Variants in NUP153 observed in about 807,000 individuals in gnomAD.
NUP153 encodes nucleoporin 153.
NUP153 carries 27 observed loss-of-function variants against 134.6 expected under a neutral mutation model. That is an observed-to-expected ratio of 0.20 (90% confidence interval 0.15 to 0.28). NUP153 has a LOEUF of 0.28. NUP153 is among the 10% of genes least tolerant of loss of function. The pLI, the probability that NUP153 is intolerant of heterozygous loss-of-function variation, is 1.00. For missense variants in NUP153, 1,821 were observed against 1,731.3 expected (o/e 1.05, Z -0.92); for synonymous variants, 640 against 623.5 (o/e 1.03, Z -0.40).
At chr6:17,701,842 G>A (rs760223730) in intron 1 of NUP153, among the ~76,000 whole-genome samples, 6,985 of 103,022 alleles carry the variant, frequency 0.068, 1,543 homozygotes, top group East Asian at 0.44. Flanking sequence ...CGGGGGGGGG[G>A]GGAAAAAAGC....
intron 2 of NUP153, among the ~76,000 whole-genome samples, chr6:17,686,891 CGGCGGGGGAGGGG>C: frequency 4.3e-4 from 1 of 2,314 alleles, no homozygotes; most frequent in East Asian, 8.9e-3. Flanking sequence ...CGGGGGCGGG[CGGCGGGGGAGGGG>C]GGCGGGGAGT....
At position 17,680,015 on chromosome 6, in the gene NUP153, A is replaced by T. The variant is rs1018040879; in HGVS notation, c.335-4245T>A. Among the ~76,000 whole-genome samples, 2 of 152,168 alleles carry T rather than the reference A, an allele frequency of 1.3e-5. No individual in the cohort carries two copies. Among genetic ancestry groups the T allele is most frequent in the Non-Finnish European group, 2.9e-5 (2 of 68,038 alleles). On this transcript the variant is annotated intron_variant, in intron 2 of 21. Transcript: ENST00000262077. This position sits in a 1 kb window ranked among gnomAD's most constrained non-coding sequence, Gnocchi z 4.5. ...ACCCTACCCTGCAGGTGCTTTGCCC[A>T]GCCCAGCCTGCATACCTTACCCCAT...
chr6:17,640,625 T>A (rs894723637), intron 14 of NUP153, among the ~76,000 whole-genome samples: 1 of 152,178 alleles, frequency 6.6e-6, no homozygotes, highest in African/African-American at 2.4e-5. Context: ...AATCATTCTT[T>A]TTCAAAACAG....
rs772306509 is a variant in NUP153 at position 17,637,593 on chromosome 6, T to A, written c.2024A>T (p.Asp675Val). 1.9e-6 allele frequency: 3 copies of A among 1,614,154 alleles called. No individual in the cohort carries two copies. The highest frequency in any genetic ancestry group is 2.5e-6 in the Non-Finnish European group (3 of 1,180,040). The change falls in exon 16 of 22, where the codon GAC becomes GTC. Residue 675 changes from aspartate to valine, a missense_variant. Physicochemically the swap from Asp to Val is radical, Grantham distance 152. Transcript: ENST00000262077. Reference sequence around the variant, plus strand: ...TGCTTGACAGGCTATGCATTTGTTGTCTGTAACTTTGTTCTGGAGTAGACA... The same window carrying A: ...TGCTTGACAGGCTATGCATTTGTTGACTGTAACTTTGTTCTGGAGTAGACA... ...DTCLLQNKVT[D>V]NKCIACQAAK...
At chr6:17,632,875 G>T in intron 16 of NUP153, 31 bp from the exon 17 acceptor site, 1 of 1,469,206 alleles carries the variant, frequency 6.8e-7, no homozygotes, top group Non-Finnish European at 9.1e-7. Flanking sequence ...GGGGAGTGGG[G>T]GGAGATTTCA....
chr6:17,693,338 G>A (rs1473436036), intron 1 of NUP153, among the ~76,000 whole-genome samples: 1 of 151,982 alleles, frequency 6.6e-6, no homozygotes, highest in Non-Finnish European at 1.5e-5. Context: ...TGCCCCATGA[G>A]AGATATTAAA....
At chr6:17,630,894 A>G (rs1235208644) in intron 17 of NUP153, among the ~76,000 whole-genome samples, 2 of 152,120 alleles carry the variant, frequency 1.3e-5, no homozygotes, top group African/African-American at 4.8e-5. Flanking sequence ...CAGCTAAGGA[A>G]ATCAGAAATG....
At chr6:17,663,213 T>C (rs994215750) in intron 9 of NUP153, among the ~76,000 whole-genome samples, 1 of 147,192 alleles carries the variant, frequency 6.8e-6, no homozygotes, top group South Asian at 2.2e-4. Context: ...AGTCCAATAT[T>C]ATGCTAAAAA....
intron 18 of NUP153, 29 bp from the exon 19 acceptor site, chr6:17,626,193 T>A (rs747117475): frequency 6.5e-6 from 10 of 1,547,312 alleles, no homozygotes; most frequent in South Asian, 1.1e-5. Context: ...GAAACAAACA[T>A]AAATCCTTAA....
In NUP153 at chr6:17,628,610, TAAAA is replaced by T; in HGVS notation, c.3544+41_3544+44del. The T allele has an allele frequency of 4.3e-6, 4 of 932,464 alleles. No individual in the cohort carries two copies. The highest frequency in any genetic ancestry group is 5.5e-6 in the Non-Finnish European group (4 of 733,474). The allele number at this position is 932,464 out of a possible 1,614,324, so 57.8% of individuals were successfully genotyped here. A position where few individuals can be genotyped will look rare whatever the true frequency, so the allele number is the denominator to read the frequency against. On this transcript the variant is annotated intron_variant, in intron 18 of 21. Transcript: ENST00000262077. This position sits in a 1 kb window ranked among gnomAD's most constrained non-coding sequence, Gnocchi z 5.4. ...AGGCAACTTGTAAAACGACAACTTGTAAAAAAAAAAATAATAATAATAATAATAA... is the reference window on the plus strand; with the variant it reads ...AGGCAACTTGTAAAACGACAACTTGTAAAAAAATAATAATAATAATAATAA...
intron 14 of NUP153, among the ~76,000 whole-genome samples, chr6:17,643,187 T>C (rs1442514227): frequency 6.6e-6 from 1 of 152,162 alleles, no homozygotes; most frequent in East Asian, 1.9e-4. Flanking sequence ...ATAACAAAAA[T>C]ATAGGCTGGA....
intron 11 of NUP153, among the ~76,000 whole-genome samples, chr6:17,654,480 C>A (rs1235562689): frequency 2.0e-5 from 3 of 152,132 alleles, no homozygotes; most frequent in African/African-American, 7.2e-5. Flanking sequence ...TGCCACTACG[C>A]CCAGCTAATT....
intron 1 of NUP153, among the ~76,000 whole-genome samples, chr6:17,693,216 A>ACACACACT (rs761937441): frequency 3.0e-4 from 45 of 149,674 alleles, no homozygotes; most frequent in African/African-American, 9.7e-4. Flanking sequence ...ACACACACAC[A>ACACACACT]CTTATAAAAT....
At chr6:17,670,865 C>T (rs4716173) in intron 5 of NUP153, among the ~76,000 whole-genome samples, 67,830 of 151,632 alleles carry the variant, frequency 0.45, 16,028 homozygotes, top group Middle Eastern at 0.74. Flanking sequence ...GGCTGGAGTG[C>T]GGTGGCACAA....
chr6:17,632,610 C>T (rs370541465), intron 17 of NUP153, 40 bp downstream of exon 17: 334 of 1,494,834 alleles, frequency 2.2e-4, no homozygotes, highest in Non-Finnish European at 2.6e-4. Context: ...TACAAAAAGG[C>T]GCTTTACCAT....
chr6:17,641,568 A>G (rs1489993109), intron 14 of NUP153, among the ~76,000 whole-genome samples: 2 of 150,566 alleles, frequency 1.3e-5, no homozygotes. Context: ...AAACAAACAA[A>G]AAGGCCAGGC....
At chr6:17,701,844 G>GGAAA (rs1554148666) in intron 1 of NUP153, among the ~76,000 whole-genome samples, 3 of 81,752 alleles carry the variant, frequency 3.7e-5, no homozygotes, top group East Asian at 2.8e-4. Flanking sequence ...GGGGGGGGGG[G>GGAAA]AAAAAAGCTA....
chr6:17,655,883 T>C (rs372762815), intron 11 of NUP153, among the ~76,000 whole-genome samples: 85 of 152,336 alleles, frequency 5.6e-4, no homozygotes, highest in African/African-American at 2.0e-3. Context: ...TATAATTGTG[T>C]ATCCAAACCT....
At chr6:17,696,493 C>G (rs532851648) in intron 1 of NUP153, among the ~76,000 whole-genome samples, 1 of 152,172 alleles carries the variant, frequency 6.6e-6, no homozygotes. Context: ...CGGTGGCTCA[C>G]GCCTGTAATC....
Sources: allele counts gnomAD v4.1 joint callset (sites outside exome capture counted in the v4.1 genomes callset), GRCh38; gene constraint gnomAD v4.1.1; non-coding constraint Gnocchi (gnomAD v3.1); transcripts MANE v1.5; gene names NCBI Gene and HGNC (gene_info 2026-07-23, HGNC 2026-07-21).